Variants in ODAD2 observed in about 807,000 individuals in gnomAD.
The protein encoded by ODAD2 is outer dynein arm-docking complex subunit 2.
In ODAD2, 89 loss-of-function variants were observed where a neutral mutation model predicts 106.8. The observed-to-expected ratio is 0.83, with a 90% CI of 0.70 to 0.99. The LOEUF is 0.99. Ranked by LOEUF, ODAD2 falls within the 50% of genes least tolerant of loss-of-function variation. ODAD2 has a pLI of 0.00. For missense variants in ODAD2, 1,168 were observed against 1,238.5 expected (o/e 0.94, Z 0.85); for synonymous variants, 404 against 436.2 (o/e 0.93, Z 0.92).
At chr10:27,869,528 TTTTTTC>T (rs1337048023) in intron 17 of ODAD2, among the ~76,000 whole-genome samples, 4 of 131,132 alleles carry the variant, frequency 3.1e-5, no homozygotes, top group African/African-American at 1.1e-4. Flanking sequence ...CTTTTTTTTC[TTTTTTC>T]TTTTTCTTTT....
chr10:27,827,501 T>A (rs1041231071), intron 19 of ODAD2, among the ~76,000 whole-genome samples: 1 of 151,710 alleles, frequency 6.6e-6, no homozygotes, highest in Non-Finnish European at 1.5e-5. Context: ...AGATTTCTTC[T>A]CTCCTCCTTA....
At chr10:27,926,150 T>C (rs1845247129) in intron 16 of ODAD2, among the ~76,000 whole-genome samples, 1 of 152,190 alleles carries the variant, frequency 6.6e-6, no homozygotes. Flanking sequence ...TTTGCAGTTG[T>C]AGCACAAATG....
At chr10:27,953,377 C>T (rs922473674) in intron 10 of ODAD2, among the ~76,000 whole-genome samples, 1 of 152,124 alleles carries the variant, frequency 6.6e-6, no homozygotes, top group Non-Finnish European at 1.5e-5. Context: ...TTGTATAGAA[C>T]TCCCTATTAC....
In ODAD2 at chr10:27,972,552, C is replaced by A. The variant is rs1343894358; in HGVS notation, c.937-1239G>T. 2.0e-5 allele frequency among the ~76,000 whole-genome samples: 3 copies of A among 151,970 alleles called. No individual in the cohort carries two copies. In the East Asian group the frequency reaches 5.8e-4, roughly 29 times the overall value. The stretch of plus-strand genomic sequence containing the variant: ...AGAAACTATTTTATATATAAAGATA[C>A]AAATACATCAGAAGTGAAAGGCTGG... On this transcript the variant is annotated intron_variant, in intron 7 of 19. Transcript: ENST00000305242.
At chr10:27,885,795 T>TATATATA (rs1842158325) in intron 17 of ODAD2, among the ~76,000 whole-genome samples, 1 of 62,048 alleles carries the variant, frequency 1.6e-5, no homozygotes, top group African/African-American at 6.2e-5. Context: ...TTATATATAA[T>TATATATA]ATATATAAAA....
intron 19 of ODAD2, among the ~76,000 whole-genome samples, chr10:27,848,437 A>G (rs1838966853): frequency 1.3e-5 from 2 of 152,198 alleles, no homozygotes; most frequent in Admixed American, 6.5e-5. Flanking sequence ...TGGATTAAAG[A>G]CCTAAAACCA....
chr10:27,913,082 T>C (rs1238667722), intron 16 of ODAD2, among the ~76,000 whole-genome samples: 1 of 152,160 alleles, frequency 6.6e-6, no homozygotes, highest in East Asian at 1.9e-4. Flanking sequence ...AGAAAGACTC[T>C]AGAAATCTTT....
chr10:27,881,217 A>G (rs1029585924), intron 17 of ODAD2, among the ~76,000 whole-genome samples: 5 of 152,264 alleles, frequency 3.3e-5, no homozygotes, highest in African/African-American at 7.2e-5. Context: ...AATAGTTTAC[A>G]TAACTAAAAT....
chr10:27,926,982 A>C (rs962657903), intron 16 of ODAD2, among the ~76,000 whole-genome samples: 2 of 152,180 alleles, frequency 1.3e-5, no homozygotes, highest in African/African-American at 4.8e-5. Context: ...TCATAAACTT[A>C]ATGTATCAGG....
intron 2 of ODAD2, 90 bp downstream of exon 2, chr10:27,994,829 G>T: frequency 7.1e-7 from 1 of 1,398,900 alleles, no homozygotes. Flanking sequence ...GGTTCAGAGA[G>T]GTTAGGTGAC....
intron 12 of ODAD2, among the ~76,000 whole-genome samples, chr10:27,941,789 T>C (rs985320612): frequency 3.9e-5 from 6 of 152,204 alleles, no homozygotes; most frequent in African/African-American, 7.2e-5. Context: ...GGAGCCATCA[T>C]CTATGCACGT....
At chr10:27,871,703 C>T (rs1313372581) in intron 17 of ODAD2, among the ~76,000 whole-genome samples, 1 of 152,092 alleles carries the variant, frequency 6.6e-6, no homozygotes, top group African/African-American at 2.4e-5. Context: ...CTGTTCTGTT[C>T]CATTGGTCTA....
Position 27,961,791 on chromosome 10 carries a change from G to A in ODAD2, c.1239-76C>T, listed in dbSNP as rs1415966322. On this transcript the variant is annotated intron_variant, in intron 9 of 19. Transcript: ENST00000305242. ...TATTAAGACCTACATGGGGCCAGGT[G>A]CAGTGGCTCATGCCTATAATCTCAG... The A allele has an allele frequency of 6.2e-6, 8 of 1,293,048 alleles. No homozygotes were observed. In the Admixed American group the frequency reaches 1.5e-4, roughly 24 times the overall value. The allele number at this position is 1,293,048 out of a possible 1,614,324, so 80.1% of individuals were successfully genotyped here.
intron 17 of ODAD2, among the ~76,000 whole-genome samples, chr10:27,906,602 T>G (rs984628802): frequency 6.6e-6 from 1 of 152,160 alleles, no homozygotes; most frequent in Non-Finnish European, 1.5e-5. Flanking sequence ...AGCAAAGACT[T>G]GGAACCAACC....
In ODAD2 at chr10:27,989,520, A is replaced by G. The variant is rs572781576; in HGVS notation, c.225-1977T>C. On this transcript the variant is annotated intron_variant, in intron 2 of 19. Transcript: ENST00000305242. ...CACATCAAGGGCTGGCCACCACACG[A>G]AGTGGATGGTGAGAGGACTAAGTAA... 2.6e-5 allele frequency among the ~76,000 whole-genome samples: 4 copies of G among 152,304 alleles called. 1 individual carries two copies. The East Asian group carries it at 7.7e-4, about 29-fold the overall frequency.
At chr10:27,860,378 A>G (rs1033051026) in intron 19 of ODAD2, among the ~76,000 whole-genome samples, 12 of 152,128 alleles carry the variant, frequency 7.9e-5, no homozygotes, top group Admixed American at 3.9e-4. Context: ...ACTTGAGCCC[A>G]GGAGTTCAAG....
chr10:27,986,530 T>C (rs1343548434), intron 3 of ODAD2, among the ~76,000 whole-genome samples: 2 of 152,252 alleles, frequency 1.3e-5, no homozygotes, highest in Non-Finnish European at 2.9e-5. Context: ...TAAGGAGTAA[T>C]AGGCAAGGCA....
At position 27,931,391 on chromosome 10, in the gene ODAD2, T is replaced by C. The variant is rs564224112; in HGVS notation, c.2495+3619A>G. 7.8e-4 allele frequency among the ~76,000 whole-genome samples: 119 copies of C among 152,246 alleles called. 1 individual carries two copies. Among genetic ancestry groups the C allele is most frequent in the African/African-American group, 2.7e-3 (114 of 41,574 alleles). On this transcript the variant is annotated intron_variant, in intron 16 of 19. Coordinates refer to ENST00000305242, the MANE Select transcript of ODAD2 (RefSeq NM_018076.5). ...CATTAACCAGAAGTCAAGCCACTCA[T>C]AAAACTCCACAAACTAGTTTTGTGC...
chr10:27,960,096 T>C (rs1444672779), intron 10 of ODAD2, among the ~76,000 whole-genome samples: 1 of 151,842 alleles, frequency 6.6e-6, no homozygotes, highest in East Asian at 1.9e-4. Flanking sequence ...TAAAATGAAA[T>C]TTTAAAACTC....
Sources: allele counts gnomAD v4.1 joint callset (sites outside exome capture counted in the v4.1 genomes callset), GRCh38; gene constraint gnomAD v4.1.1; transcripts MANE v1.5; gene names NCBI Gene and HGNC (gene_info 2026-07-23, HGNC 2026-07-21).